Variants in MAP3K15 observed in about 807,000 individuals in gnomAD.
The protein encoded by MAP3K15 is mitogen-activated protein kinase kinase kinase 15, also known as MAPK/ERK kinase kinase 15.
Under a neutral mutation model 99.5 loss-of-function variants are expected in MAP3K15, and 124 were observed. The ratio of observed to expected loss-of-function variants is 1.25; its 90% confidence interval spans 1.08 to 1.45. The LOEUF is 1.45. MAP3K15 is among the 40% of genes most tolerant of loss of function. The pLI is 0.00. For synonymous variants in MAP3K15, 494 were observed against 439.6 expected (o/e 1.12, Z -1.55); for missense variants, 1,242 against 1,079.7 (o/e 1.15, Z -2.11).
intron 9 of MAP3K15, among the ~76,000 whole-genome samples, chrX:19,418,507 G>C (rs112064436): frequency 8.1e-5 from 9 of 111,145 alleles, no homozygotes; most frequent in South Asian, 3.9e-4. Context: ...AAAAATAAAC[G>C]AACAAAGCCA....
intron 25 of MAP3K15, among the ~76,000 whole-genome samples, chrX:19,367,906 G>A (rs35232496): frequency 3.8e-5 from 4 of 104,562 alleles, no homozygotes; most frequent in Middle Eastern, 4.9e-3. Context: ...GTTCCACCAC[G>A]CCCAGCTAAT....
At position 19,464,223 on chromosome X, in the gene MAP3K15, C is replaced by T. The variant is rs903603402; in HGVS notation, c.709G>A (p.Val237Met). ...GCAGATGGGAATTACCATGAGGTCA[C>T]GTGGATGTCCTTAAGGAGGCTAATG... is the stretch of plus-strand genomic sequence containing the variant. ...RFISLLKDIH[V>M]TSCVYYKETL... is the part of the protein sequence containing the mutation. The change falls in exon 4 of 29, where the codon GTG becomes ATG. Residue 237 changes from valine (V) to methionine (M), a missense_variant. Physicochemically the swap from Val to Met is conservative, Grantham distance 21. Coordinates refer to ENST00000338883, the MANE Select transcript of MAP3K15 (RefSeq NM_001001671.4). 4 of 1,193,899 alleles carry T rather than the reference C, an allele frequency of 3.4e-6. No individual in the cohort carries two copies. The highest frequency in any genetic ancestry group is 2.2e-5 in the Admixed American group (1 of 45,304).
chrX:19,373,234 G>C, intron 21 of MAP3K15: 2 of 241,136 alleles, frequency 8.3e-6, no homozygotes, highest in East Asian at 1.5e-4. Context: ...CAAGGGTGAG[G>C]GGGAGAGAGA....
chrX:19,476,122 C>T (rs2064241242), intron 3 of MAP3K15, among the ~76,000 whole-genome samples: 1 of 112,071 alleles, frequency 8.9e-6, no homozygotes, highest in Non-Finnish European at 1.9e-5. Context: ...TGTGGCTTGG[C>T]CTTCCAGAAA....
intron 3 of MAP3K15, among the ~76,000 whole-genome samples, chrX:19,470,642 A>G (rs974499176): frequency 4.5e-5 from 5 of 111,669 alleles, no homozygotes; most frequent in Admixed American, 1.9e-4. Flanking sequence ...ACAAGTAAAC[A>G]ACAAAAACAA....
intron 28 of MAP3K15, 84 bp downstream of exon 28, chrX:19,361,255 C>G (rs762905278): frequency 1.2e-6 from 1 of 821,463 alleles, no homozygotes; most frequent in Non-Finnish European, 1.7e-6. Context: ...TGGGGGGAGG[C>G]CCAGCCCTTT....
rs376593530 is a variant in MAP3K15 at position 19,361,301 on chromosome X, G to A, written c.3857+38C>T. On this transcript the variant is annotated intron_variant, in intron 28 of 28. Coordinates refer to ENST00000338883, the MANE Select transcript of MAP3K15 (RefSeq NM_001001671.4). The stretch of plus-strand genomic sequence containing the variant: ...CTTGAAGCATATTCACACATAAAAA[G>A]TTGTATTCTCTTATACAAACTGTTT... 1.1e-5 allele frequency: 12 copies of A among 1,081,909 alleles called. No homozygotes were observed. In the African/African-American group the frequency reaches 1.8e-4, roughly 17 times the overall value. The allele number at this position is 1,081,909 out of a possible 1,213,427, so 89.2% of individuals were successfully genotyped here. A position where few individuals can be genotyped will look rare whatever the true frequency, so the allele number is the denominator to read the frequency against.
At chrX:19,411,685 GA>G (rs2063689509) in intron 11 of MAP3K15, among the ~76,000 whole-genome samples, 1 of 110,482 alleles carries the variant, frequency 9.1e-6, no homozygotes, top group African/African-American at 3.3e-5. Flanking sequence ...AGTGGGGGAA[GA>G]AGGAAGCCAC....
chrX:19,406,094 A>G (rs1406870282), intron 13 of MAP3K15, among the ~76,000 whole-genome samples: 2 of 111,685 alleles, frequency 1.8e-5, no homozygotes, highest in Non-Finnish European at 3.8e-5. Flanking sequence ...CAAAAGACAG[A>G]TAATAACTAG....
chrX:19,451,279 C>CA (rs774870935), intron 6 of MAP3K15, among the ~76,000 whole-genome samples: 858 of 28,270 alleles, frequency 0.03, 28 homozygotes, highest in Middle Eastern at 0.095. Flanking sequence ...AGTCAGTTTC[C>CA]AAAAAAAAAA....
chrX:19,381,353 G>A (rs1341344140), intron 18 of MAP3K15, among the ~76,000 whole-genome samples: 1 of 111,939 alleles, frequency 8.9e-6, no homozygotes, highest in African/African-American at 3.2e-5. Context: ...TGGGAGAGCA[G>A]CCCGGAGAGG....
At chrX:19,443,413 T>C (rs961134287) in intron 6 of MAP3K15, among the ~76,000 whole-genome samples, 3 of 111,771 alleles carry the variant, frequency 2.7e-5, no homozygotes, top group African/African-American at 9.8e-5. Context: ...CGGCCTAGTA[T>C]ACACCATGGC....
At chrX:19,420,220 A>G (rs1401017436) in intron 9 of MAP3K15, among the ~76,000 whole-genome samples, 3 of 111,758 alleles carry the variant, frequency 2.7e-5, no homozygotes, top group Middle Eastern at 4.6e-3. Context: ...GAGACACAAA[A>G]AACCCTTCAA....
intron 1 of MAP3K15, among the ~76,000 whole-genome samples, chrX:19,507,518 C>T (rs189308640): frequency 1.2e-5 from 1 of 81,468 alleles, no homozygotes; most frequent in Non-Finnish European, 2.2e-5. Flanking sequence ...GTCAAGGCTG[C>T]GGTGAGCCGT....
At chrX:19,434,277 G>A (rs1232031855) in intron 6 of MAP3K15, among the ~76,000 whole-genome samples, 4 of 108,897 alleles carry the variant, frequency 3.7e-5, no homozygotes, top group Admixed American at 1.0e-4. Context: ...CCAGCCTGGA[G>A]TGTGGTGGCA....
At chrX:19,507,930 C>T (rs763004009) in intron 1 of MAP3K15, among the ~76,000 whole-genome samples, 28 of 112,375 alleles carry the variant, frequency 2.5e-4, no homozygotes, top group Middle Eastern at 4.6e-3. Context: ...TGCAATGGCA[C>T]GATCTCAGCT....
intron 1 of MAP3K15, among the ~76,000 whole-genome samples, chrX:19,511,957 G>T (rs1043054459): frequency 2.7e-5 from 3 of 111,966 alleles, no homozygotes; most frequent in African/African-American, 9.7e-5. Flanking sequence ...AGAAAATGTT[G>T]CACATATACA....
At chrX:19,480,631 A>G (rs1418537714) in intron 3 of MAP3K15, among the ~76,000 whole-genome samples, 1 of 99,663 alleles carries the variant, frequency 1.0e-5, no homozygotes, top group Non-Finnish European at 2.0e-5. Context: ...CCTGGCCAAC[A>G]CTGCAAAACC....
At chrX:19,505,149 C>T (rs1382164125) in intron 1 of MAP3K15, among the ~76,000 whole-genome samples, 1 of 108,867 alleles carries the variant, frequency 9.2e-6, no homozygotes, top group Non-Finnish European at 1.9e-5. Flanking sequence ...CCCACCCCCA[C>T]GCCAAGCCAG....
Sources: allele counts gnomAD v4.1 joint callset (sites outside exome capture counted in the v4.1 genomes callset), GRCh38; gene constraint gnomAD v4.1.1; transcripts MANE v1.5; gene names NCBI Gene and HGNC (gene_info 2026-07-23, HGNC 2026-07-21).